CEP164: variants seen among roughly 807,000 people sequenced by gnomAD.
The protein encoded by CEP164 is centrosomal protein of 164 kDa.
In CEP164, 162 loss-of-function variants were observed where a neutral mutation model predicts 182.7. The observed-to-expected ratio is 0.89, with a 90% CI of 0.78 to 1.01. The LOEUF is 1.01. Ranked by LOEUF, CEP164 falls within the 50% of genes least tolerant of loss-of-function variation. The pLI, the probability that CEP164 is intolerant of heterozygous loss-of-function variation, is 0.00. For synonymous variants in CEP164, 661 were observed against 690.0 expected (o/e 0.96, Z 0.66); for missense variants, 1,735 against 1,790.4 (o/e 0.97, Z 0.56).
Position 117,412,393 on chromosome 11 carries a change from T to A in CEP164, c.*225T>A. On this transcript the variant is annotated 3_prime_UTR_variant, in exon 33 of 33. Coordinates refer to ENST00000278935, the MANE Select transcript of CEP164 (RefSeq NM_014956.5). ...GTGGACTCGTACGAGCTCTTGTCAT[T>A]GACATGGCAAGCTGATGGCGTGCGG... The A allele has an allele frequency of 2.4e-6, 1 of 416,228 alleles. No homozygotes were observed. The allele number at this position is 416,228 out of a possible 1,614,324, so 25.8% of individuals were successfully genotyped here. A position where few individuals can be genotyped will look rare whatever the true frequency, so the allele number is the denominator to read the frequency against.
chr11:117,387,235 A>C lies in CEP164; in HGVS notation c.1757A>C (p.Gln586Pro). 1 of 1,614,194 alleles carries C rather than the reference A, an allele frequency of 6.2e-7. No homozygotes were observed. Among genetic ancestry groups the C allele is most frequent in the East Asian group, 2.2e-5 (1 of 44,878 alleles). Reference sequence around the variant, plus strand: ...ACAGAGCCTGTGGCTCCCCCAGAGCAGCTCTCAGAGGCTGCACTAAAGGCC... The same window carrying C: ...ACAGAGCCTGTGGCTCCCCCAGAGCCGCTCTCAGAGGCTGCACTAAAGGCC... ...RSTEPVAPPEQLSEAALKAME... is the reference protein window; with the variant it reads ...RSTEPVAPPEPLSEAALKAME... The change falls in exon 15 of 33, where the codon CAG (glutamine) becomes CCG (proline). Residue 586 changes from glutamine to proline, a missense_variant. Coordinates refer to ENST00000278935, the MANE Select transcript of CEP164 (RefSeq NM_014956.5).
chr11:117,369,593 T>C (rs2041996025), intron 8 of CEP164, among the ~76,000 whole-genome samples: 1 of 152,222 alleles, frequency 6.6e-6, no homozygotes, highest in South Asian at 2.1e-4. Context: ...GGCTTCTTCT[T>C]GGACCTCTCC....
At chr11:117,326,847 C>T (rs2035477406), upstream of CEP164, among the ~76,000 whole-genome samples, 1 of 152,170 alleles carries the variant, frequency 6.6e-6, no homozygotes, top group African/African-American at 2.4e-5. Context: ...CTAGCAGCAT[C>T]TGTATTTGTC....
intron 1 of CEP164, among the ~76,000 whole-genome samples, chr11:117,334,699 A>G (rs1159879201): frequency 6.7e-6 from 1 of 148,880 alleles, no homozygotes; most frequent in African/African-American, 2.5e-5. Flanking sequence ...GCAAGAGACT[A>G]GCTTGAACCT....
intron 14 of CEP164, chr11:117,385,111 C>G (rs1001232480): frequency 6.6e-6 from 1 of 152,192 alleles, no homozygotes; most frequent in African/African-American, 2.4e-5. Flanking sequence ...GTGCCATTTC[C>G]CCGCCCTCCG....
At chr11:117,378,001 C>T (rs963184917) in intron 11 of CEP164, among the ~76,000 whole-genome samples, 4 of 151,936 alleles carry the variant, frequency 2.6e-5, no homozygotes, top group Admixed American at 6.6e-5. Flanking sequence ...GCTGGGACTA[C>T]AGGCATCCAC....
intron 2 of CEP164, among the ~76,000 whole-genome samples, chr11:117,337,298 C>T (rs1168853311): frequency 6.6e-6 from 1 of 152,072 alleles, no homozygotes; most frequent in Non-Finnish European, 1.5e-5. Flanking sequence ...TGCCCTGGTT[C>T]CTGGTCCTTT....
rs372968944 is a variant in CEP164, at chr11:117,394,337, A to G, written c.2617-13A>G. 7.4e-5 allele frequency: 118 copies of G among 1,585,608 alleles called. 1 individual carries two copies. In the African/African-American group the frequency reaches 1.4e-3, roughly 19 times the overall value. On this transcript the variant is annotated splice_polypyrimidine_tract_variant and intron_variant, in intron 20 of 32. Transcript: ENST00000278935. The surrounding 1 kb of genome is among the most constrained non-coding windows in gnomAD (Gnocchi z 4.0). Reference sequence around the variant, plus strand: ...GCCGCAGCTTCCCACCGGTGGGCCCACCCTCCTTGCAGGAGAGGAAGCAGC... The same window carrying G: ...GCCGCAGCTTCCCACCGGTGGGCCCGCCCTCCTTGCAGGAGAGGAAGCAGC...
At chr11:117,410,590 C>T in intron 30 of CEP164, 1 of 431,256 alleles carries the variant, frequency 2.3e-6, no homozygotes. Flanking sequence ...TTATGAAAAG[C>T]CATAAAACAA....
intron 9 of CEP164, among the ~76,000 whole-genome samples, chr11:117,372,080 A>G (rs1257981133): frequency 1.4e-5 from 2 of 142,708 alleles, no homozygotes; most frequent in Admixed American, 1.4e-4. Flanking sequence ...AGCTCAAGTG[A>G]TCTGCCCACC....
chr11:117,396,229 G>A, intron 25 of CEP164, 49 bp downstream of exon 25: 1 of 1,587,042 alleles, frequency 6.3e-7, no homozygotes, highest in Non-Finnish European at 8.6e-7. Context: ...GATGGTGTGG[G>A]GCATTGGGAG....
chr11:117,351,146 C>T (rs141368429), intron 4 of CEP164, among the ~76,000 whole-genome samples: 5,412 of 152,268 alleles, frequency 0.036, 153 homozygotes, highest in Non-Finnish European at 0.058. Flanking sequence ...GATTCTCCTG[C>T]CTCAGCCTCC....
chr11:117,394,318 G>A lies in CEP164; in HGVS notation c.2617-32G>A, dbSNP rs1278438259. Reference sequence around the variant, plus strand: ...TTTTGTGGTAGAAGGGGCTGCCGCAGCTTCCCACCGGTGGGCCCACCCTCC... The same window carrying A: ...TTTTGTGGTAGAAGGGGCTGCCGCAACTTCCCACCGGTGGGCCCACCCTCC... On this transcript the variant is annotated intron_variant, in intron 20 of 32. Transcript: ENST00000278935. The surrounding 1 kb of genome is among the most constrained non-coding windows in gnomAD (Gnocchi z 4.0). 6.4e-7 allele frequency: 1 copy of A among 1,568,844 alleles called. No homozygotes were observed. The highest frequency in any genetic ancestry group is 8.6e-7 in the Non-Finnish European group (1 of 1,156,650).
intron 8 of CEP164, among the ~76,000 whole-genome samples, chr11:117,367,067 C>T (rs927838483): frequency 1.3e-5 from 2 of 152,122 alleles, no homozygotes; most frequent in African/African-American, 4.8e-5. Flanking sequence ...AGACTGAGGC[C>T]CCGCCTTTGC....
At chr11:117,382,048 A>G (rs1164536674) in intron 13 of CEP164, among the ~76,000 whole-genome samples, 180 bp downstream of exon 13, 1 of 152,106 alleles carries the variant, frequency 6.6e-6, no homozygotes, top group African/African-American at 2.4e-5. Flanking sequence ...TTAGTGTCCC[A>G]TGGGATCTGG....
At chr11:117,385,881 T>C (rs1365964263) in intron 14 of CEP164, 1 of 152,214 alleles carries the variant, frequency 6.6e-6, no homozygotes, top group Non-Finnish European at 1.5e-5. Flanking sequence ...GTCTTTATGG[T>C]AATTCAGAGA....
chr11:117,355,331 C>A (rs1279102585), intron 5 of CEP164: 2 of 1,289,838 alleles, frequency 1.6e-6, no homozygotes, highest in Admixed American at 4.6e-5. Context: ...GAGAAGCAGG[C>A]AGCAGAAACT....
intron 10 of CEP164, 131 bp downstream of exon 10, chr11:117,373,962 C>T: frequency 1.5e-6 from 1 of 688,958 alleles, no homozygotes; most frequent in South Asian, 1.9e-5. Context: ...TGAGTCTTGT[C>T]TAGCTCCAGT....
intron 5 of CEP164, among the ~76,000 whole-genome samples, chr11:117,361,486 C>T (rs947187607): frequency 3.9e-5 from 6 of 151,938 alleles, no homozygotes; most frequent in East Asian, 3.9e-4. Flanking sequence ...GTGATTCACC[C>T]GGCTCTGCCT....
Sources: allele counts gnomAD v4.1 joint callset (sites outside exome capture counted in the v4.1 genomes callset), GRCh38; gene constraint gnomAD v4.1.1; non-coding constraint Gnocchi (gnomAD v3.1); transcripts MANE v1.5; gene names NCBI Gene and HGNC (gene_info 2026-07-23, HGNC 2026-07-21).